VEPH1: variants seen among roughly 807,000 people sequenced by gnomAD.
The protein encoded by VEPH1 is ventricular zone-expressed PH domain-containing protein homolog 1.
In VEPH1, 80 loss-of-function variants were observed where a neutral mutation model predicts 85.2. The observed-to-expected ratio is 0.94, with a 90% CI of 0.78 to 1.13. The LOEUF (loss-of-function observed/expected upper bound fraction) is 1.13, where lower values mean the gene tolerates loss of function less well. VEPH1 is among the 50% of genes most tolerant of loss of function. The pLI, the probability that VEPH1 is intolerant of heterozygous loss-of-function variation, is 0.00. For missense variants in VEPH1, 955 were observed against 980.5 expected, an observed-to-expected ratio of 0.97 and a Z score of 0.35; for synonymous variants, 297 against 348.0, an observed-to-expected ratio of 0.85 and a Z score of 1.63.
intron 9 of VEPH1, among the ~76,000 whole-genome samples, chr3:157,356,204 T>A (rs1164035265): frequency 1.3e-5 from 2 of 151,934 alleles, no homozygotes; most frequent in Non-Finnish European, 2.9e-5. Flanking sequence ...GCCAACTGAA[T>A]CTTTTTATAA....
At chr3:157,315,642 G>T (rs909516250) in intron 10 of VEPH1, among the ~76,000 whole-genome samples, 1 of 151,964 alleles carries the variant, frequency 6.6e-6, no homozygotes, top group African/African-American at 2.4e-5. Context: ...TATCATAAGT[G>T]TGGAAAAAGA....
At chr3:157,427,486 C>T (rs187593025) in intron 5 of VEPH1, among the ~76,000 whole-genome samples, 37 of 151,790 alleles carry the variant, frequency 2.4e-4, no homozygotes, top group Middle Eastern at 6.8e-3. Context: ...GGCAAGGTCT[C>T]ACTCTGTCAC....
At chr3:157,466,667 A>T (rs1736405964) in intron 3 of VEPH1, among the ~76,000 whole-genome samples, 1 of 152,238 alleles carries the variant, frequency 6.6e-6, no homozygotes, top group Non-Finnish European at 1.5e-5. Flanking sequence ...TCTTGATAAG[A>T]CCAAGATCCA....
chr3:157,349,662 T>G (rs1380037338), intron 9 of VEPH1, among the ~76,000 whole-genome samples: 1 of 152,094 alleles, frequency 6.6e-6, no homozygotes, highest in Non-Finnish European at 1.5e-5. Context: ...ACTCTAAGAA[T>G]TAATAAATGA....
At chr3:157,421,244 G>GA (rs1164068454) in intron 5 of VEPH1, among the ~76,000 whole-genome samples, 1 of 152,134 alleles carries the variant, frequency 6.6e-6, no homozygotes, top group Admixed American at 6.5e-5. Context: ...TTTATGTAGA[G>GA]AATTTTTTTT....
intron 6 of VEPH1, among the ~76,000 whole-genome samples, chr3:157,395,100 C>A (rs1730237912): frequency 2.0e-5 from 3 of 152,192 alleles, no homozygotes; most frequent in Admixed American, 2.0e-4. Flanking sequence ...GAATGCATTG[C>A]CGCATTTCTG....
chr3:157,346,803 C>T (rs964149518), intron 9 of VEPH1, among the ~76,000 whole-genome samples: 21 of 151,976 alleles, frequency 1.4e-4, no homozygotes, highest in African/African-American at 5.1e-4. Context: ...TTGGTAGAGA[C>T]AGGGTCTCTT....
At chr3:157,408,007 CCG>C (rs1400464002) in intron 6 of VEPH1, among the ~76,000 whole-genome samples, 1 of 152,094 alleles carries the variant, frequency 6.6e-6, no homozygotes, top group Non-Finnish European at 1.5e-5. Flanking sequence ...CTCTTAGTCA[CCG>C]TGTTACTTTT....
chr3:157,413,399 T>C (rs1731669055), intron 6 of VEPH1: 1 of 863,742 alleles, frequency 1.2e-6, no homozygotes, highest in African/African-American at 1.8e-5. Flanking sequence ...ATTGACATGA[T>C]AGCTATGGGC....
At chr3:157,298,328 T>C (rs2108442171) in intron 11 of VEPH1, among the ~76,000 whole-genome samples, 1 of 152,230 alleles carries the variant, frequency 6.6e-6, no homozygotes, top group Non-Finnish European at 1.5e-5. Context: ...TCAAACTAAG[T>C]CAGCTGGATC....
intron 2 of VEPH1, among the ~76,000 whole-genome samples, chr3:157,479,940 G>A (rs1039713755): frequency 2.0e-5 from 3 of 152,004 alleles, no homozygotes; most frequent in African/African-American, 7.2e-5. Context: ...CCAGCTTTGG[G>A]TTTATAACCT....
At chr3:157,483,493 TTA>T (rs1738327224) in intron 2 of VEPH1, among the ~76,000 whole-genome samples, 1 of 152,190 alleles carries the variant, frequency 6.6e-6, no homozygotes, top group Non-Finnish European at 1.5e-5. Flanking sequence ...AATTACAAAA[TTA>T]TATATTCAAA....
At chr3:157,369,608 ACAG>A (rs2108804993) in intron 7 of VEPH1, among the ~76,000 whole-genome samples, 1 of 152,326 alleles carries the variant, frequency 6.6e-6, no homozygotes, top group South Asian at 2.1e-4. Flanking sequence ...TGGGCATGCC[ACAG>A]AACTTTGCTG....
chr3:157,502,973 G>A lies in VEPH1; in HGVS notation c.-158+304C>T, dbSNP rs79414865. Among the ~76,000 whole-genome samples, 556 of 152,278 alleles carry A rather than the reference G, an allele frequency of 3.7e-3. 19 individuals are homozygous for A. In the East Asian group the frequency reaches 0.068, roughly 19 times the overall value. On this transcript the variant is annotated intron_variant, in intron 1 of 13. Coordinates refer to ENST00000362010, the MANE Select transcript of VEPH1 (RefSeq NM_001167912.2). ...AATAGAAATGAGACTAGATTATTAC[G>A]GAGTAAAACAAAAATGCACATGATA... is the stretch of plus-strand genomic sequence containing the variant.
chr3:157,388,980 A>G (rs1199260375), intron 6 of VEPH1, among the ~76,000 whole-genome samples: 4 of 152,190 alleles, frequency 2.6e-5, no homozygotes, highest in Non-Finnish European at 5.9e-5. Context: ...TTATTTGGGA[A>G]TAACAAGTAG....
chr3:157,318,132 A>G (rs1052062845), intron 9 of VEPH1, among the ~76,000 whole-genome samples: 1 of 152,208 alleles, frequency 6.6e-6, no homozygotes, highest in African/African-American at 2.4e-5. Flanking sequence ...TCCAGAAAAA[A>G]TGGCTCAAGC....
chr3:157,330,679 A>C (rs959751992), intron 9 of VEPH1, among the ~76,000 whole-genome samples: 1 of 152,170 alleles, frequency 6.6e-6, no homozygotes, highest in Non-Finnish European at 1.5e-5. Flanking sequence ...TAAAAAGACC[A>C]CGTGCTCCAG....
chr3:157,347,095 G>GTAATTACTAAT (rs1724311550), intron 9 of VEPH1, among the ~76,000 whole-genome samples: 1 of 151,930 alleles, frequency 6.6e-6, no homozygotes, highest in Non-Finnish European at 1.5e-5. Context: ...CTAAGAAACT[G>GTAATTACTAAT]TACAATAGAA....
intron 4 of VEPH1, among the ~76,000 whole-genome samples, chr3:157,434,593 G>A (rs75708639): frequency 0.025 from 3,856 of 152,202 alleles, 154 homozygotes; most frequent in African/African-American, 0.082. Context: ...GATTCTGAAC[G>A]TGAGCCCCGA....
Sources: gnomAD v4.1 joint callset for allele counts (sites outside exome capture counted in the v4.1 genomes callset) on GRCh38, gnomAD v4.1.1 for gene constraint, MANE v1.5 for transcripts, NCBI Gene and HGNC (gene_info 2026-07-23, HGNC 2026-07-21) for gene names.